Variants in WDPCP observed in about 807,000 individuals in gnomAD.
WDPCP encodes the protein WD repeat-containing and planar cell polarity effector protein fritz homolog.
A neutral mutation model predicts 93.1 loss-of-function variants in WDPCP; 71 were observed. That is an observed-to-expected ratio of 0.76 (90% CI 0.63 to 0.93). The LOEUF is 0.93. Among genes scored for constraint, WDPCP ranks in the 40% least tolerant of loss-of-function variants. The pLI is 0.00. For synonymous variants in WDPCP, 315 were observed against 315.0 expected, an observed-to-expected ratio of 1.00 and a Z score of 0.00; for missense variants, 844 against 887.4, an observed-to-expected ratio of 0.95 and a Z score of 0.62.
chr2:63,751,586 TGCC>T (rs1669883983), intron 2 of WDPCP: 1 of 451,774 alleles, frequency 2.2e-6, no homozygotes, highest in Admixed American at 2.6e-5. Context: ...AGCTAGGCCC[TGCC>T]ACCACTGTGC....
At chr2:63,322,630 T>TG (rs1208943433) in intron 12 of WDPCP, among the ~76,000 whole-genome samples, 2 of 152,032 alleles carry the variant, frequency 1.3e-5, no homozygotes, top group Admixed American at 1.3e-4. Context: ...GAAGAAAGTC[T>TG]GGACATGTCT....
At chr2:63,729,462 A>C (rs1220812102) in intron 2 of WDPCP, among the ~76,000 whole-genome samples, 1 of 152,152 alleles carries the variant, frequency 6.6e-6, no homozygotes, top group Non-Finnish European at 1.5e-5. Flanking sequence ...TTTTTCAGGA[A>C]ACACATAGCC....
intron 2 of WDPCP, among the ~76,000 whole-genome samples, chr2:63,686,509 A>G (rs1668805664): frequency 6.6e-6 from 1 of 152,206 alleles, no homozygotes; most frequent in South Asian, 2.1e-4. Flanking sequence ...AAAATGTCCT[A>G]CTACCCAAAG....
At chr2:63,779,011 C>T (rs1036451195) in intron 2 of WDPCP, among the ~76,000 whole-genome samples, 9 of 152,096 alleles carry the variant, frequency 5.9e-5, no homozygotes, top group Admixed American at 4.6e-4. Context: ...TGAGAAACAC[C>T]TCACTAAAGA....
At chr2:63,823,879 T>C (rs765983239) in intron 1 of WDPCP, among the ~76,000 whole-genome samples, 1 of 151,998 alleles carries the variant, frequency 6.6e-6, no homozygotes, top group Non-Finnish European at 1.5e-5. Context: ...CACAACAAAA[T>C]AGTGGGAAAT....
At chr2:63,757,141 G>C (rs1359320407) in intron 2 of WDPCP, among the ~76,000 whole-genome samples, 2 of 152,136 alleles carry the variant, frequency 1.3e-5, no homozygotes, top group Non-Finnish European at 2.9e-5. Context: ...TTTAGATTCA[G>C]TCAAAGAAGA....
chr2:63,265,875 T>C (rs1228726709), intron 13 of WDPCP, among the ~76,000 whole-genome samples: 1 of 152,116 alleles, frequency 6.6e-6, no homozygotes, highest in Non-Finnish European at 1.5e-5. Context: ...AATCAATAAG[T>C]GTGATACAGT....
At chr2:63,417,720 C>T (rs1009322952) in intron 9 of WDPCP, among the ~76,000 whole-genome samples, 2 of 148,202 alleles carry the variant, frequency 1.3e-5, no homozygotes, top group East Asian at 3.9e-4. Flanking sequence ...ACTGAAATGA[C>T]ATCAAATTAT....
chr2:63,254,885 G>A (rs1174668241), intron 14 of WDPCP, among the ~76,000 whole-genome samples: 1 of 152,070 alleles, frequency 6.6e-6, no homozygotes, highest in Non-Finnish European at 1.5e-5. Flanking sequence ...GAATGTAAAT[G>A]CCAACATTTA....
intron 12 of WDPCP, among the ~76,000 whole-genome samples, chr2:63,348,340 C>T (rs761771860): frequency 9.9e-5 from 15 of 152,154 alleles, no homozygotes; most frequent in Admixed American, 6.6e-5. Context: ...AAACTTCAGA[C>T]TATAAGTGCT....
intron 2 of WDPCP, among the ~76,000 whole-genome samples, chr2:63,809,277 C>T (rs1245791890): frequency 5.3e-5 from 8 of 149,778 alleles, no homozygotes; most frequent in East Asian, 4.0e-4. Context: ...CCGCCCCATC[C>T]GGGAGGGAGG....
rs185219751 is a variant in WDPCP at position 63,720,659 on chromosome 2, T to C, written n.309-69821A>G. Among the ~76,000 whole-genome samples the C allele has an allele frequency of 2.3e-3, 354 of 152,240 alleles. 2 individuals are homozygous for C. The highest frequency in any genetic ancestry group is 0.02 in the Middle Eastern group (6 of 294). The stretch of plus-strand genomic sequence containing the variant: ...CATTGACCCCTAGGTTGAGGTGATA[T>C]CTGAAAAAATAAAAGCTGAACTTCT... On this transcript the variant is annotated intron_variant and non_coding_transcript_variant, in intron 2 of 4. Coordinates refer to the WDPCP transcript ENST00000467687.
chr2:63,306,575 G>C (rs996601182), intron 13 of WDPCP, among the ~76,000 whole-genome samples: 20 of 152,200 alleles, frequency 1.3e-4, no homozygotes, highest in African/African-American at 4.8e-4. Flanking sequence ...TGGGATGCAA[G>C]GCTGGTTCCA....
In WDPCP at chr2:63,600,449, A is replaced by G. The variant is rs373629028; in HGVS notation, n.488+50210T>C. 4.6e-5 allele frequency among the ~76,000 whole-genome samples: 7 copies of G among 152,322 alleles called. No homozygotes were observed. The South Asian group carries it at 6.2e-4, about 14-fold the overall frequency. On this transcript the variant is annotated intron_variant and non_coding_transcript_variant, in intron 3 of 4. Transcript: ENST00000467687. ...CTTATGTATGTTCTTACCTAATGGTATCAACTAACCTTAGTCCACTTACTA... is the reference window on the plus strand; with the variant it reads ...CTTATGTATGTTCTTACCTAATGGTGTCAACTAACCTTAGTCCACTTACTA...
chr2:63,664,162 A>G (rs1427268367), intron 2 of WDPCP, among the ~76,000 whole-genome samples: 1 of 152,214 alleles, frequency 6.6e-6, no homozygotes, highest in East Asian at 1.9e-4. Context: ...TTTAGGCATC[A>G]TCAGTACGTG....
At chr2:63,192,141 G>A (rs1675100306) in intron 14 of WDPCP, among the ~76,000 whole-genome samples, 1 of 152,010 alleles carries the variant, frequency 6.6e-6, no homozygotes, top group Admixed American at 6.5e-5. Context: ...TTAGATCCAG[G>A]CTAGAATTAC....
chr2:63,808,592 C>A (rs960703858), intron 2 of WDPCP, among the ~76,000 whole-genome samples: 1 of 152,356 alleles, frequency 6.6e-6, no homozygotes, highest in Admixed American at 6.5e-5. Flanking sequence ...GATCCACCAG[C>A]CTCGGCCTCC....
intron 12 of WDPCP, among the ~76,000 whole-genome samples, chr2:63,364,367 A>G (rs1690727149): frequency 6.6e-6 from 1 of 152,166 alleles, no homozygotes; most frequent in African/African-American, 2.4e-5. Context: ...TTTTTATTGA[A>G]TTATATCTTT....
intron 6 of WDPCP, among the ~76,000 whole-genome samples, chr2:63,473,422 A>C (rs896925867): frequency 1.3e-5 from 2 of 152,168 alleles, no homozygotes; most frequent in African/African-American, 4.8e-5. Context: ...GGTGTCTCCC[A>C]AAAATTATTC....
Sources: gnomAD v4.1 joint callset for allele counts (sites outside exome capture counted in the v4.1 genomes callset) on GRCh38, gnomAD v4.1.1 for gene constraint, MANE v1.5 for transcripts, NCBI Gene and HGNC (gene_info 2026-07-23, HGNC 2026-07-21) for gene names.